The following DNAI4 variants were observed in gnomAD, a reference collection of about 807,000 sequenced individuals.
DNAI4 encodes the protein WD repeat domain 78.
Under a neutral mutation model 105.8 loss-of-function variants are expected in DNAI4, and 85 were observed. The observed-to-expected ratio is 0.80, with a 90% confidence interval of 0.67 to 0.96. DNAI4 has a LOEUF of 0.96. DNAI4 is among the 40% of genes least tolerant of loss of function. The probability of loss-of-function intolerance (pLI) is 0.00; values close to 1 mark genes in which losing one functional copy is unlikely to be tolerated. For synonymous variants in DNAI4, 352 were observed against 331.5 expected, an observed-to-expected ratio of 1.06 and a Z score of -0.67; for missense variants, 1,014 against 1,005.6, an observed-to-expected ratio of 1.01 and a Z score of -0.11.
chr1:66,898,323 G>A (rs1454106646), intron 2 of DNAI4, among the ~76,000 whole-genome samples: 1 of 152,128 alleles, frequency 6.6e-6, no homozygotes, highest in African/African-American at 2.4e-5. Context: ...TACTGGGATG[G>A]AATTAATGTG....
chr1:66,822,109 T>C (rs1476181285), intron 16 of DNAI4, among the ~76,000 whole-genome samples: 2 of 152,036 alleles, frequency 1.3e-5, no homozygotes, highest in Non-Finnish European at 2.9e-5. Flanking sequence ...GGTTATCCCA[T>C]ATAATATTTA....
rs763201202 is a variant in DNAI4 at position 66,836,304 on chromosome 1, GA to G, written c.1582-528del. ...AGAAAGAAAGAAAGAAAGAAAGAAA[GA>G]AAGAAAGAAAGAAAGAAAGAAGGAA... On this transcript the variant is annotated intron_variant, in intron 10 of 16. Transcript: ENST00000371026. 8.6e-3 allele frequency among the ~76,000 whole-genome samples: 1,296 copies of G among 150,232 alleles called. 15 individuals are homozygous for G. Among genetic ancestry groups the G allele is most frequent in the Non-Finnish European group, 0.013 (911 of 67,520 alleles).
intron 1 of DNAI4, among the ~76,000 whole-genome samples, chr1:66,914,564 T>C (rs1649923278): frequency 6.6e-6 from 1 of 152,204 alleles, no homozygotes; most frequent in African/African-American, 2.4e-5. Flanking sequence ...TAAAACTTTT[T>C]CTCTCCGCAT....
At chr1:66,864,174 GA>G (rs1249276925) in intron 6 of DNAI4, among the ~76,000 whole-genome samples, 1 of 152,106 alleles carries the variant, frequency 6.6e-6, no homozygotes, top group Non-Finnish European at 1.5e-5. Context: ...ATTAACCTAA[GA>G]AACAAACTTT....
chr1:66,913,499 C>T (rs978862583), intron 1 of DNAI4, among the ~76,000 whole-genome samples: 2 of 152,188 alleles, frequency 1.3e-5, no homozygotes, highest in African/African-American at 4.8e-5. Flanking sequence ...CTCCTCCAAA[C>T]TGAAAGGTGC....
intron 4 of DNAI4, among the ~76,000 whole-genome samples, chr1:66,879,993 T>G (rs751410861): frequency 2.5e-4 from 37 of 150,258 alleles, no homozygotes; most frequent in Non-Finnish European, 4.9e-4. Flanking sequence ...GGGTCTTTCC[T>G]GCACTGTTTT....
intron 15 of DNAI4, among the ~76,000 whole-genome samples, chr1:66,824,709 TTGTC>T (rs1157466645): frequency 6.6e-6 from 1 of 152,064 alleles, no homozygotes; most frequent in Non-Finnish European, 1.5e-5. Context: ...GGCTCTCTGT[TTGTC>T]TGTTGTTGGT....
At chr1:66,886,748 A>G (rs1042621594) in intron 4 of DNAI4, among the ~76,000 whole-genome samples, 2 of 152,094 alleles carry the variant, frequency 1.3e-5, no homozygotes, top group Non-Finnish European at 2.9e-5. Context: ...AAGTATATCT[A>G]TTCCTACTTC....
chr1:66,837,474 A>T (rs1646052467), intron 10 of DNAI4: 2 of 434,712 alleles, frequency 4.6e-6, no homozygotes, highest in East Asian at 7.6e-5. Context: ...TCATCATCAT[A>T]TATAACAGCA....
intron 13 of DNAI4, among the ~76,000 whole-genome samples, chr1:66,829,062 T>A (rs1243531058): frequency 6.6e-6 from 1 of 152,072 alleles, no homozygotes; most frequent in African/African-American, 2.4e-5. Context: ...GGCAGATATT[T>A]CAGTTGAGCC....
At chr1:66,818,129 G>T (rs6690854) in intron 16 of DNAI4, among the ~76,000 whole-genome samples, 57,677 of 151,602 alleles carry the variant, frequency 0.38, 11,738 homozygotes, top group South Asian at 0.5. Flanking sequence ...ATATATATGA[G>T]AATTTGCCAT....
chr1:66,879,213 G>A (rs555085766), intron 4 of DNAI4, among the ~76,000 whole-genome samples: 7 of 152,130 alleles, frequency 4.6e-5, no homozygotes, highest in East Asian at 1.9e-4. Context: ...CCCTGCTACC[G>A]ACCATTGATT....
At chr1:66,876,068 T>C (rs540030088) in intron 4 of DNAI4, among the ~76,000 whole-genome samples, 100 of 152,144 alleles carry the variant, frequency 6.6e-4, no homozygotes, top group African/African-American at 2.2e-3. Flanking sequence ...ATTCTTCTTT[T>C]TTAAAAATAT....
chr1:66,917,465 G>C (rs933504618), intron 1 of DNAI4, among the ~76,000 whole-genome samples: 1 of 152,010 alleles, frequency 6.6e-6, no homozygotes, highest in Admixed American at 6.6e-5. Context: ...GAATAGAGGG[G>C]GAAAAAAACT....
Position 66,827,888 on chromosome 1 carries a change from C to A in DNAI4, c.2036G>T (p.Gly679Val), listed in dbSNP as rs78356162. 30 of 1,604,202 alleles carry A rather than the reference C, an allele frequency of 1.9e-5. No homozygotes were observed. The highest frequency in any genetic ancestry group is 2.5e-5 in the Non-Finnish European group (29 of 1,175,268). ...HPKDTNIYLAGTEEGHIHKCS... is the reference protein window; with the variant it reads ...HPKDTNIYLAVTEEGHIHKCS... ...TTTGTGAATATGACCTTCTTCAGTG[C>A]CAGCCAAATAGATATTTGTGTCCTA... The change falls in exon 14 of 17, where the codon GGC becomes GTC. Residue 679 changes from glycine to valine, a missense_variant. Transcript: ENST00000371026.
chr1:66,923,265 C>T (rs1421541043), intron 1 of DNAI4, among the ~76,000 whole-genome samples: 1 of 152,164 alleles, frequency 6.6e-6, no homozygotes, highest in Non-Finnish European at 1.5e-5. Context: ...AGATGTATAG[C>T]CTACTATAGC....
intron 11 of DNAI4, among the ~76,000 whole-genome samples, 155 bp from the exon 12 acceptor site, chr1:66,834,303 T>A (rs781145449): frequency 4.6e-5 from 7 of 152,140 alleles, no homozygotes; most frequent in Non-Finnish European, 1.0e-4. Context: ...TAAATATTTT[T>A]AAAAAAGAAA....
intron 10 of DNAI4, among the ~76,000 whole-genome samples, chr1:66,836,315 AGAAAGAAAGAAGGAAAGAGG>A (rs1557909193): frequency 7.7e-5 from 9 of 116,828 alleles, no homozygotes; most frequent in African/African-American, 2.6e-4. Flanking sequence ...AAAGAAAGAA[AGAAAGAAAGAAGGAAAGAGG>A]GAAGGAAGGG....
Position 66,917,237 on chromosome 1 carries a change from G to A in DNAI4, c.170+7425C>T, listed in dbSNP as rs577381399. ...GTAATTCTGATTTAACTTAGTGAAC[G>A]TTATCAGTAATTGTAATTGTTGTTA... On this transcript the variant is annotated intron_variant, in intron 1 of 16. Coordinates refer to ENST00000371026, the MANE Select transcript of DNAI4 (RefSeq NM_024763.5). Among the ~76,000 whole-genome samples the A allele has an allele frequency of 5.9e-5, 9 of 152,296 alleles. No homozygotes were observed. In the South Asian group the frequency reaches 1.0e-3, roughly 18 times the overall value.
Sources: gnomAD v4.1 joint callset for allele counts (sites outside exome capture counted in the v4.1 genomes callset) on GRCh38, gnomAD v4.1.1 for gene constraint, MANE v1.5 for transcripts, NCBI Gene and HGNC (gene_info 2026-07-23, HGNC 2026-07-21) for gene names.